RCC2: variants seen among roughly 807,000 people sequenced by gnomAD.
RCC2 encodes protein RCC2.
RCC2 carries 19 observed loss-of-function variants against 64.1 expected under a neutral mutation model. That is an observed-to-expected ratio of 0.30 (90% confidence interval 0.21 to 0.44). The LOEUF is 0.44. Among genes scored for constraint, RCC2 ranks in the 20% least tolerant of loss-of-function variants. The probability of loss-of-function intolerance (pLI) is 1.00; values close to 1 mark genes in which losing one functional copy is unlikely to be tolerated. For missense variants in RCC2, 508 were observed against 710.4 expected (o/e 0.72, Z 3.24); for synonymous variants, 325 against 279.6 (o/e 1.16, Z -1.62).
intron 2 of RCC2, among the ~76,000 whole-genome samples, chr1:17,431,359 AATAT>A (rs71014951): frequency 0.037 from 1,649 of 44,842 alleles, 133 homozygotes; most frequent in Middle Eastern, 0.083. Context: ...AAAAAAAAAA[AATAT>A]ATATATATAT....
intron 11 of RCC2, among the ~76,000 whole-genome samples, chr1:17,411,627 GA>G (rs1353187895): frequency 6.7e-6 from 1 of 150,156 alleles, no homozygotes; most frequent in Non-Finnish European, 1.5e-5. Flanking sequence ...ATCTAAGAAT[GA>G]AAGACATTTG....
chr1:17,421,333 A>G (rs941407546), intron 6 of RCC2, among the ~76,000 whole-genome samples: 1 of 152,100 alleles, frequency 6.6e-6, no homozygotes, highest in Non-Finnish European at 1.5e-5. Context: ...CATCTCTACT[A>G]AAAATACAAA....
intron 11 of RCC2, among the ~76,000 whole-genome samples, chr1:17,410,300 G>A (rs2075410809): frequency 6.6e-6 from 1 of 152,208 alleles, no homozygotes; most frequent in South Asian, 2.1e-4. Flanking sequence ...ACTCTAGCCT[G>A]CAGGACTTCT....
intron 7 of RCC2, 139 bp downstream of exon 7, chr1:17,420,575 A>G (rs1332488144): frequency 2.0e-6 from 1 of 506,754 alleles, no homozygotes; most frequent in East Asian, 3.1e-5. Context: ...GCTGAACGTG[A>G]GATCCACTTA....
In RCC2 at chr1:17,438,461, G is replaced by A; in HGVS notation, c.54C>T (p.Asn18=). The A allele has an allele frequency of 3.8e-6, 5 of 1,322,786 alleles. No individual in the cohort carries two copies. The highest frequency in any genetic ancestry group is 3.8e-6 in the Non-Finnish European group (4 of 1,040,246). The allele number at this position is 1,322,786 out of a possible 1,614,324, so 81.9% of individuals were successfully genotyped here. Residue 18 remains asparagine (N), a synonymous_variant, in exon 2 of 13, where the codon AAC becomes AAT. Coordinates refer to ENST00000375436, the MANE Select transcript of RCC2 (RefSeq NM_018715.4). ...AAAWEEPSSG[N]GTARAGPRKR... ...TCCTGGGCCCGGCGCGGGCAGTGCC[G>A]TTGCCCGAGCTCGGCTCCTCCCAGG...
intron 2 of RCC2, among the ~76,000 whole-genome samples, chr1:17,433,396 C>T (rs950663674): frequency 2.0e-5 from 3 of 152,218 alleles, no homozygotes; most frequent in African/African-American, 7.2e-5. Context: ...GAGAGACTCC[C>T]GCGCTTGCGG....
chr1:17,438,390 C>T lies in RCC2; in HGVS notation c.125G>A (p.Cys42Tyr). The change falls in exon 2 of 13, where the codon TGC becomes TAC. Residue 42 changes from cysteine (C) to tyrosine (Y), a missense_variant. Cys to Tyr is a radical substitution (Grantham distance 194). Around this residue, in one of 4 missense-constraint regions of RCC2, gnomAD observed 195 missense variants for 158.3 expected, o/e 1.23. Transcript: ENST00000375436. ...GCTGCCGCCGCCGCTGCTGCTACTG[C>T]AGCGCTCGGGCCGCTCGCGCTTCCT... ...AGRKRERPERCSSSSGGGSSG... is the reference protein window; with the variant it reads ...AGRKRERPERYSSSSGGGSSG... The T allele has an allele frequency of 7.9e-7, 1 of 1,259,360 alleles. No individual in the cohort carries two copies. The highest frequency in any genetic ancestry group is 1.6e-5 in the African/African-American group (1 of 63,970). The allele number at this position is 1,259,360 out of a possible 1,614,324, so 78.0% of individuals were successfully genotyped here. A position where few individuals can be genotyped will look rare whatever the true frequency, so the allele number is the denominator to read the frequency against.
At chr1:17,425,441 A>T (rs941197240) in intron 4 of RCC2, 100 bp downstream of exon 4, 1 of 1,260,216 alleles carries the variant, frequency 7.9e-7, no homozygotes, top group Non-Finnish European at 1.1e-6. Flanking sequence ...GCCCAGCCTT[A>T]TAAGACGCGA....
At chr1:17,430,478 G>T (rs1335945459) in intron 2 of RCC2, among the ~76,000 whole-genome samples, 1 of 137,714 alleles carries the variant, frequency 7.3e-6, no homozygotes, top group Non-Finnish European at 1.5e-5. Context: ...GACATAGCCA[G>T]GCCTTGTCTC....
In RCC2 at chr1:17,438,612, C is replaced by T. The variant is rs1424525351; in HGVS notation, c.-8-90G>A. 7.5e-6 allele frequency: 9 copies of T among 1,198,526 alleles called. No homozygotes were observed. The African/African-American group carries it at 1.1e-4, about 15-fold the overall frequency. The allele number at this position is 1,198,526 out of a possible 1,614,324, so 74.2% of individuals were successfully genotyped here. A position where few individuals can be genotyped will look rare whatever the true frequency, so the allele number is the denominator to read the frequency against. On this transcript the variant is annotated intron_variant, in intron 1 of 12. Transcript: ENST00000375436. ...GCGGAGACGAGCCACCCGGCCTCCACTTCCTCCTCTGCCCTCCCCAAAGTG... is the reference window on the plus strand; with the variant it reads ...GCGGAGACGAGCCACCCGGCCTCCATTTCCTCCTCTGCCCTCCCCAAAGTG...
intron 4 of RCC2, among the ~76,000 whole-genome samples, chr1:17,423,789 G>T (rs1229511926): frequency 6.6e-6 from 1 of 152,212 alleles, no homozygotes; most frequent in Admixed American, 6.5e-5. Flanking sequence ...ATTCTAGGGG[G>T]TTTTGCAACC....
rs979015839 is a variant in RCC2, at chr1:17,417,720, TTG to T, written c.860-1076_860-1075del. ...AACAAAAAAACTTGTTGTTATCAGT[TTG>T]TAAACTAGCCCCCGGCTTGTGGCTA... is the stretch of plus-strand genomic sequence containing the variant. On this transcript the variant is annotated intron_variant, in intron 7 of 12. Transcript: ENST00000375436. 7.6e-4 allele frequency among the ~76,000 whole-genome samples: 116 copies of T among 152,172 alleles called. 1 individual carries two copies. Among genetic ancestry groups the T allele is most frequent in the African/African-American group, 2.7e-3 (112 of 41,532 alleles).
intron 3 of RCC2, among the ~76,000 whole-genome samples, chr1:17,428,569 T>A (rs1280642500): frequency 6.6e-6 from 1 of 152,198 alleles, no homozygotes; most frequent in Non-Finnish European, 1.5e-5. Context: ...TGGATGGGCC[T>A]TTTCCCTTAA....
At chr1:17,424,056 T>C (rs2762891) in intron 4 of RCC2, among the ~76,000 whole-genome samples, 100,227 of 152,122 alleles carry the variant, frequency 0.66, 33,258 homozygotes, top group African/African-American at 0.73. Context: ...GTGAAAGGCA[T>C]GTGAATACAG....
chr1:17,420,556 C>T (rs368915339), intron 7 of RCC2, among the ~76,000 whole-genome samples, 158 bp downstream of exon 7: 2 of 152,114 alleles, frequency 1.3e-5, no homozygotes, highest in African/African-American at 2.4e-5. Flanking sequence ...AATGAGGACG[C>T]GCTGTTCTGC....
intron 11 of RCC2, among the ~76,000 whole-genome samples, chr1:17,410,421 G>A (rs1232911528): frequency 1.3e-5 from 2 of 152,124 alleles, no homozygotes; most frequent in African/African-American, 4.8e-5. Context: ...CCAAGAACAC[G>A]GGCTGACCAA....
intron 7 of RCC2, among the ~76,000 whole-genome samples, chr1:17,417,916 A>T (rs67134229): frequency 6.6e-6 from 1 of 152,122 alleles, no homozygotes; most frequent in East Asian, 1.9e-4. Flanking sequence ...AAAAGATAAT[A>T]CAAACAATAC....
chr1:17,420,675 A>G, intron 7 of RCC2, 39 bp downstream of exon 7: 1 of 1,300,524 alleles, frequency 7.7e-7, no homozygotes, highest in Non-Finnish European at 1.1e-6. Context: ...GAATATATAC[A>G]GTTAGATTAC....
chr1:17,434,164 T>C (rs1162512936), intron 2 of RCC2, among the ~76,000 whole-genome samples: 4 of 152,214 alleles, frequency 2.6e-5, no homozygotes, highest in Non-Finnish European at 5.9e-5. Flanking sequence ...GGCATGCAAC[T>C]TCCCAAATCC....
Sources: allele counts gnomAD v4.1 joint callset (sites outside exome capture counted in the v4.1 genomes callset), GRCh38; gene constraint gnomAD v4.1.1; regional missense constraint gnomAD v4.1.1; transcripts MANE v1.5; gene names NCBI Gene and HGNC (gene_info 2026-07-23, HGNC 2026-07-21).